The following LSAMP variants were observed in gnomAD, a reference collection of about 807,000 sequenced individuals.
LSAMP encodes the protein limbic system-associated membrane protein.
LSAMP carries 7 observed loss-of-function variants against 38.6 expected under a neutral mutation model. The ratio of observed to expected loss-of-function variants is 0.18; its 90% CI spans 0.10 to 0.34. LSAMP has a LOEUF of 0.34. Ranked by LOEUF, LSAMP falls within the 10% of genes least tolerant of loss-of-function variation. The probability of loss-of-function intolerance (pLI) is 1.00; values close to 1 mark genes in which losing one functional copy is unlikely to be tolerated. For missense variants in LSAMP, 313 were observed against 420.0 expected, an observed-to-expected ratio of 0.75 and a Z score of 2.23; for synonymous variants, 154 against 166.8, an observed-to-expected ratio of 0.92 and a Z score of 0.59.
intron 1 of LSAMP, among the ~76,000 whole-genome samples, chr3:116,268,455 C>T (rs953000143): frequency 5.3e-5 from 8 of 152,048 alleles, no homozygotes; most frequent in South Asian, 4.2e-4. Context: ...GAGGCATGGA[C>T]GGGGGATGGG....
chr3:115,870,125 T>A (rs1935989993), intron 3 of LSAMP, among the ~76,000 whole-genome samples: 1 of 152,164 alleles, frequency 6.6e-6, no homozygotes, highest in African/African-American at 2.4e-5. Context: ...GCCATGCCTA[T>A]GCATTTTTAT....
chr3:115,964,151 T>C (rs900083629), intron 3 of LSAMP, among the ~76,000 whole-genome samples: 1 of 152,340 alleles, frequency 6.6e-6, no homozygotes, highest in South Asian at 2.1e-4. Context: ...TTTTATTGTA[T>C]CCTGTTTGTA....
chr3:116,135,236 G>C (rs906768459), intron 1 of LSAMP, among the ~76,000 whole-genome samples: 16 of 152,102 alleles, frequency 1.1e-4, no homozygotes, highest in African/African-American at 3.6e-4. Context: ...CACCATCCAT[G>C]TATCTTTTCA....
intron 1 of LSAMP, among the ~76,000 whole-genome samples, chr3:116,272,149 A>AATATATATATATATATAT (rs148831827): frequency 2.7e-4 from 40 of 150,534 alleles, no homozygotes; most frequent in African/African-American, 9.5e-4. Context: ...TAAACAAATA[A>AATATATATATATATATAT]ATATATATAT....
chr3:116,306,409 C>T (rs775311281), intron 1 of LSAMP, among the ~76,000 whole-genome samples: 15 of 151,962 alleles, frequency 9.9e-5, no homozygotes, highest in Non-Finnish European at 1.8e-4. Context: ...GTATTCTTGG[C>T]AACATGTAAC....
At chr3:116,260,385 T>A (rs1411736774) in intron 1 of LSAMP, among the ~76,000 whole-genome samples, 2 of 152,028 alleles carry the variant, frequency 1.3e-5, no homozygotes, top group African/African-American at 2.4e-5. Flanking sequence ...ACACATTTTT[T>A]AAAATTTTCG....
chr3:115,975,311 G>C (rs1209379612), intron 3 of LSAMP, among the ~76,000 whole-genome samples: 2 of 152,054 alleles, frequency 1.3e-5, no homozygotes, highest in African/African-American at 4.8e-5. Flanking sequence ...AAACATGAGA[G>C]ACATCCAAGT....
intron 1 of LSAMP, among the ~76,000 whole-genome samples, chr3:116,278,978 T>G (rs1410233421): frequency 6.6e-6 from 1 of 152,192 alleles, no homozygotes; most frequent in East Asian, 1.9e-4. Flanking sequence ...TGTAGCTTCA[T>G]TCTATAAAAC....
At chr3:115,812,914 C>T (rs1039533155) in intron 6 of LSAMP, among the ~76,000 whole-genome samples, 1 of 152,000 alleles carries the variant, frequency 6.6e-6, no homozygotes, top group African/African-American at 2.4e-5. Flanking sequence ...GCCAAAATTC[C>T]ATTATTGAAA....
chr3:116,135,376 G>C (rs1295325520), intron 1 of LSAMP, among the ~76,000 whole-genome samples: 1 of 152,168 alleles, frequency 6.6e-6, no homozygotes, highest in African/African-American at 2.4e-5. Flanking sequence ...CTGTGATGTA[G>C]ATACCTTGTT....
At chr3:115,826,263 T>C (rs1816675) in intron 6 of LSAMP, among the ~76,000 whole-genome samples, 48,578 of 151,882 alleles carry the variant, frequency 0.32, 8,042 homozygotes, top group African/African-American at 0.39. Context: ...TACAGGCACC[T>C]GCCACCACGC....
At chr3:115,909,563 C>T (rs1222759234) in intron 3 of LSAMP, among the ~76,000 whole-genome samples, 1 of 152,204 alleles carries the variant, frequency 6.6e-6, no homozygotes, top group African/African-American at 2.4e-5. Context: ...TTGGGAACTC[C>T]TATTGCTAGA....
At chr3:116,135,011 A>G (rs1709216880) in intron 1 of LSAMP, among the ~76,000 whole-genome samples, 1 of 152,182 alleles carries the variant, frequency 6.6e-6, no homozygotes, top group Non-Finnish European at 1.5e-5. Context: ...ACAGGAGTAT[A>G]GAAAGCACTC....
intron 1 of LSAMP, among the ~76,000 whole-genome samples, chr3:116,312,747 C>G (rs1378193537): frequency 6.6e-6 from 1 of 152,060 alleles, no homozygotes; most frequent in African/African-American, 2.4e-5. Flanking sequence ...AAAGAAGCCA[C>G]CATAATACAG....
chr3:116,298,943 T>C (rs917604220), intron 1 of LSAMP, among the ~76,000 whole-genome samples: 1 of 152,124 alleles, frequency 6.6e-6, no homozygotes, highest in Non-Finnish European at 1.5e-5. Context: ...GCCAAACACT[T>C]AAGGACTTAT....
intron 1 of LSAMP, among the ~76,000 whole-genome samples, chr3:116,376,903 A>G (rs2048501021): frequency 6.6e-6 from 1 of 152,082 alleles, no homozygotes; most frequent in Admixed American, 6.6e-5. Flanking sequence ...TAAGACAGCC[A>G]TCAACAAAAT....
chr3:115,829,592 A>G (rs1159111230), intron 6 of LSAMP, among the ~76,000 whole-genome samples: 7 of 152,182 alleles, frequency 4.6e-5, no homozygotes, highest in Non-Finnish European at 1.0e-4. Context: ...CAAAAAGGGC[A>G]GGTCCTTTAG....
At chr3:116,226,407 C>T (rs1392278053) in intron 1 of LSAMP, among the ~76,000 whole-genome samples, 2 of 152,250 alleles carry the variant, frequency 1.3e-5, no homozygotes, top group African/African-American at 4.8e-5. Flanking sequence ...CCCTTGGTTC[C>T]TTCTCATCTC....
chr3:116,253,210 A>G (rs1487343132), intron 1 of LSAMP, among the ~76,000 whole-genome samples: 6 of 112,510 alleles, frequency 5.3e-5, no homozygotes, highest in Non-Finnish European at 1.2e-4. Context: ...AATACAGAAT[A>G]CGGAAAATAA....
Sources: gnomAD v4.1 joint callset for allele counts (sites outside exome capture counted in the v4.1 genomes callset) on GRCh38, gnomAD v4.1.1 for gene constraint, MANE v1.5 for transcripts, NCBI Gene and HGNC (gene_info 2026-07-23, HGNC 2026-07-21) for gene names.